PIEZO2: variants seen among roughly 807,000 people sequenced by gnomAD.
PIEZO2 encodes the protein piezo-type mechanosensitive ion channel component 2.
PIEZO2 carries 172 observed loss-of-function variants against 337.3 expected under a neutral mutation model. The observed-to-expected ratio is 0.51, with a 90% CI of 0.45 to 0.58. The LOEUF (loss-of-function observed/expected upper bound fraction) is 0.58. PIEZO2 is among the 20% of genes least tolerant of loss of function. PIEZO2 has a pLI of 0.00. For missense variants in PIEZO2, 3,028 were observed against 3,391.3 expected, an observed-to-expected ratio of 0.89 and a Z score of 2.66; for synonymous variants, 1,251 against 1,228.5, an observed-to-expected ratio of 1.02 and a Z score of -0.38.
chr18:10,770,133 C>A lies in PIEZO2; in HGVS notation c.2946+15G>T. 6.5e-7 allele frequency: 1 copy of A among 1,536,682 alleles called. No homozygotes were observed. The highest frequency in any genetic ancestry group is 8.7e-7 in the Non-Finnish European group (1 of 1,146,680). Reference sequence around the variant, plus strand: ...GGTTCTGTTCAGCCTGATGATAGGACAAATGTTCACTTGCCTCTTTCACAG... The same window carrying A: ...GGTTCTGTTCAGCCTGATGATAGGAAAAATGTTCACTTGCCTCTTTCACAG... On this transcript the variant is annotated intron_variant, in intron 21 of 55. Transcript: ENST00000674853.
rs111933963 is a variant in PIEZO2 at position 10,725,230 on chromosome 18, G to A, written c.5029+6177C>T. 12 of 1,567,956 alleles carry A rather than the reference G, an allele frequency of 7.7e-6. No individual in the cohort carries two copies. In the South Asian group the frequency reaches 1.0e-4, roughly 13 times the overall value. On this transcript the variant is annotated intron_variant, in intron 36 of 55. Coordinates refer to ENST00000674853, the MANE Select transcript of PIEZO2 (RefSeq NM_001378183.1). ...TGTTCTGGAGAAGTTTGGAACCTAC[G>A]AACACTTTGAGGCTGCCACCGGCAG...
At chr18:10,823,657 A>G (rs755097720) in intron 7 of PIEZO2, among the ~76,000 whole-genome samples, 6 of 152,222 alleles carry the variant, frequency 3.9e-5, no homozygotes, top group Non-Finnish European at 8.8e-5. Flanking sequence ...TGTGTGGAGA[A>G]ACAAAGGGAG....
In PIEZO2 at chr18:11,080,594, C is replaced by T. The variant is rs1198671689; in HGVS notation, c.65-14372G>A. Among the ~76,000 whole-genome samples the T allele has an allele frequency of 3.9e-5, 6 of 152,238 alleles. No individual in the cohort carries two copies. Among genetic ancestry groups the T allele is most frequent in the East Asian group, 3.8e-4 (2 of 5,204 alleles). Reference sequence around the variant, plus strand: ...AGGTGCGGGGCTCACGCCTATAATCCCAGCACTTTGGGAGACCGAGGCGGG... The same window carrying T: ...AGGTGCGGGGCTCACGCCTATAATCTCAGCACTTTGGGAGACCGAGGCGGG... On this transcript the variant is annotated intron_variant, in intron 1 of 55. Coordinates refer to ENST00000674853, the MANE Select transcript of PIEZO2 (RefSeq NM_001378183.1). This position sits in a 1 kb window ranked among gnomAD's most constrained non-coding sequence, Gnocchi z 5.4.
chr18:10,979,442 A>T lies in PIEZO2; in HGVS notation c.286+93T>A. On this transcript the variant is annotated intron_variant, in intron 3 of 55. Coordinates refer to ENST00000674853, the MANE Select transcript of PIEZO2 (RefSeq NM_001378183.1). The surrounding 1 kb of genome is among the most constrained non-coding windows in gnomAD (Gnocchi z 4.0). ...GAATTTTATAATTTAATTATTGCAT[A>T]GATTTCTATGTGTGCGATGACACAC... The T allele has an allele frequency of 7.3e-6, 9 of 1,229,128 alleles. No homozygotes were observed. Among genetic ancestry groups the T allele is most frequent in the Non-Finnish European group, 9.4e-6 (9 of 954,500 alleles). 76.1% of individuals were successfully genotyped at this position (1,229,128 alleles called of 1,614,324 possible).
chr18:10,993,351 A>T lies in PIEZO2; in HGVS notation c.161-13691T>A, dbSNP rs929715260. 2.6e-5 allele frequency among the ~76,000 whole-genome samples: 4 copies of T among 152,228 alleles called. No homozygotes were observed. Among genetic ancestry groups the T allele is most frequent in the African/African-American group, 9.6e-5 (4 of 41,470 alleles). ...GTATGATATTGCCTGTGGGCCTATC[A>T]TAAACAGCTCTTATTATTTTGAGAT... On this transcript the variant is annotated intron_variant, in intron 2 of 55. Coordinates refer to ENST00000674853, the MANE Select transcript of PIEZO2 (RefSeq NM_001378183.1). This position sits in a 1 kb window ranked among gnomAD's most constrained non-coding sequence, Gnocchi z 5.0.
intron 1 of PIEZO2, among the ~76,000 whole-genome samples, chr18:11,133,255 G>GT (rs2040388772): frequency 6.6e-6 from 1 of 152,240 alleles, no homozygotes; most frequent in East Asian, 1.9e-4. Flanking sequence ...TTAACTTTAT[G>GT]TAATAGTATT....
Position 11,031,166 on chromosome 18 carries a change from ATTTT to A in PIEZO2, c.160+34957_160+34960del, listed in dbSNP as rs35909559. On this transcript the variant is annotated intron_variant, in intron 2 of 55. Transcript: ENST00000674853. This position sits in a 1 kb window ranked among gnomAD's most constrained non-coding sequence, Gnocchi z 4.7. ...CACCATGCCTGGCTAATTTTTTTGTATTTTTTTTTTTTTTAGTGGAGATGGGATT... is the reference window on the plus strand; with the variant it reads ...CACCATGCCTGGCTAATTTTTTTGTATTTTTTTTTTAGTGGAGATGGGATT... Among the ~76,000 whole-genome samples the A allele has an allele frequency of 7.1e-6, 1 of 140,280 alleles. No individual in the cohort carries two copies. Among genetic ancestry groups the A allele is most frequent in the Non-Finnish European group, 1.6e-5 (1 of 64,330 alleles). 92.0% of individuals were successfully genotyped at this position (140,280 alleles called of 152,430 possible).
intron 17 of PIEZO2, among the ~76,000 whole-genome samples, chr18:10,780,669 CTT>C (rs11392739): frequency 8.2e-4 from 108 of 131,352 alleles, no homozygotes; most frequent in African/African-American, 2.9e-3. Flanking sequence ...TTTAAGGTAC[CTT>C]TTTTTTTTTT....
chr18:10,767,823 A>T lies in PIEZO2; in HGVS notation c.2946+2325T>A, dbSNP rs976643198. ...AGTCCAGGAGGAGAAGGTGCTGGCA[A>T]CCAGGGGCTGGGTGTCAGTGCCGGC... On this transcript the variant is annotated intron_variant, in intron 21 of 55. Coordinates refer to ENST00000674853, the MANE Select transcript of PIEZO2 (RefSeq NM_001378183.1). This position sits in a 1 kb window ranked among gnomAD's most constrained non-coding sequence, Gnocchi z 4.2. 2.0e-5 allele frequency among the ~76,000 whole-genome samples: 3 copies of T among 152,178 alleles called. No individual in the cohort carries two copies. Among genetic ancestry groups the T allele is most frequent in the African/African-American group, 7.2e-5 (3 of 41,454 alleles).
chr18:10,928,131 A>G (rs2031861049), intron 3 of PIEZO2, among the ~76,000 whole-genome samples: 1 of 152,206 alleles, frequency 6.6e-6, no homozygotes, highest in Admixed American at 6.5e-5. Flanking sequence ...CCATTAGGAA[A>G]GAAAGAATGA....
intron 32 of PIEZO2, 61 bp downstream of exon 32, chr18:10,742,433 C>T: frequency 6.6e-7 from 1 of 1,509,242 alleles, no homozygotes; most frequent in East Asian, 2.5e-5. Context: ...TACAGCCCTG[C>T]TCAATATCAT....
chr18:10,795,058 C>T lies in PIEZO2; in HGVS notation c.1528-56G>A. ...TGGTCAATACAATGCTCAGTCCCCCCCGCCCTGGTAAGGTAAAAACTATCT... is the reference window on the plus strand; with the variant it reads ...TGGTCAATACAATGCTCAGTCCCCCTCGCCCTGGTAAGGTAAAAACTATCT... On this transcript the variant is annotated intron_variant, in intron 12 of 55. Coordinates refer to ENST00000674853, the MANE Select transcript of PIEZO2 (RefSeq NM_001378183.1). This position sits in a 1 kb window ranked among gnomAD's most constrained non-coding sequence, Gnocchi z 4.4. 7.2e-7 allele frequency: 1 copy of T among 1,390,354 alleles called. No homozygotes were observed. Among genetic ancestry groups the T allele is most frequent in the South Asian group, 1.3e-5 (1 of 79,978 alleles). 86.1% of individuals were successfully genotyped at this position (1,390,354 alleles called of 1,614,324 possible). A position where few individuals can be genotyped will look rare whatever the true frequency, so the allele number is the denominator to read the frequency against.
chr18:10,685,822 T>C (rs1330480760), intron 49 of PIEZO2, among the ~76,000 whole-genome samples: 2 of 152,296 alleles, frequency 1.3e-5, no homozygotes, highest in East Asian at 1.9e-4. Context: ...TGTCTTCCCA[T>C]GCTCTCAGCA....
In PIEZO2 at chr18:11,131,028, G is replaced by A. The variant is rs534631895; in HGVS notation, c.64+17497C>T. On this transcript the variant is annotated intron_variant, in intron 1 of 55. Transcript: ENST00000674853. This position sits in a 1 kb window ranked among gnomAD's most constrained non-coding sequence, Gnocchi z 5.3. The stretch of plus-strand genomic sequence containing the variant: ...TTGGAGCCTTTGGCAGGCTCTATAG[G>A]TGAATCACAGCAAAGGCCTCTAGGA... 6.6e-6 allele frequency among the ~76,000 whole-genome samples: 1 copy of A among 152,304 alleles called. No individual in the cohort carries two copies. Among genetic ancestry groups the A allele is most frequent in the African/African-American group, 2.4e-5 (1 of 41,578 alleles).
rs1259166953 is a variant in PIEZO2 at position 11,027,515 on chromosome 18, A to T, written c.160+38612T>A. 6.6e-6 allele frequency among the ~76,000 whole-genome samples: 1 copy of T among 152,238 alleles called. No homozygotes were observed. Among genetic ancestry groups the T allele is most frequent in the Non-Finnish European group, 1.5e-5 (1 of 68,048 alleles). ...ATTTTCAAGATGATATAGGTTTTGCATGAGAGTTATACCTAAAAGTCATCT... is the reference window on the plus strand; with the variant it reads ...ATTTTCAAGATGATATAGGTTTTGCTTGAGAGTTATACCTAAAAGTCATCT... On this transcript the variant is annotated intron_variant, in intron 2 of 55. Coordinates refer to ENST00000674853, the MANE Select transcript of PIEZO2 (RefSeq NM_001378183.1). This position sits in a 1 kb window ranked among gnomAD's most constrained non-coding sequence, Gnocchi z 4.2.
At position 10,899,484 on chromosome 18, in the gene PIEZO2, G is replaced by A. The variant is rs998168223; in HGVS notation, c.329+11702C>T. Among the ~76,000 whole-genome samples the A allele has an allele frequency of 6.6e-6, 1 of 152,108 alleles. No homozygotes were observed. The highest frequency in any genetic ancestry group is 1.5e-5 in the Non-Finnish European group (1 of 68,032). On this transcript the variant is annotated intron_variant, in intron 4 of 55. Transcript: ENST00000674853. The surrounding 1 kb of genome is among the most constrained non-coding windows in gnomAD (Gnocchi z 4.6). Reference sequence around the variant, plus strand: ...TTGTCTCCAGTAAGGTGCTTCACTGGCTGAGCTTCCTCAGCATAAAATGCC... The same window carrying A: ...TTGTCTCCAGTAAGGTGCTTCACTGACTGAGCTTCCTCAGCATAAAATGCC...
At chr18:10,814,238 G>A (rs923316014) in intron 7 of PIEZO2, among the ~76,000 whole-genome samples, 2 of 152,046 alleles carry the variant, frequency 1.3e-5, no homozygotes, top group Non-Finnish European at 2.9e-5. Context: ...CAAAGTGCTA[G>A]GATTACAGGC....
At chr18:10,793,105 A>G (rs572173024) in intron 13 of PIEZO2, among the ~76,000 whole-genome samples, 4 of 152,218 alleles carry the variant, frequency 2.6e-5, no homozygotes, top group African/African-American at 9.6e-5. Flanking sequence ...AAAAATACAA[A>G]AAAATTAGCT....
At chr18:10,881,236 T>A (rs2042412201) in intron 4 of PIEZO2, among the ~76,000 whole-genome samples, 1 of 151,968 alleles carries the variant, frequency 6.6e-6, no homozygotes, top group African/African-American at 2.4e-5. Context: ...TATGTATGTA[T>A]GTATGTATGT....
Sources: gnomAD v4.1 joint callset for allele counts (sites outside exome capture counted in the v4.1 genomes callset) on GRCh38, gnomAD v4.1.1 for gene constraint, Gnocchi (gnomAD v3.1) non-coding constraint, MANE v1.5 for transcripts, NCBI Gene and HGNC (gene_info 2026-07-23, HGNC 2026-07-21) for gene names.